Variants in ANKRD30A observed in about 807,000 individuals in gnomAD.
ANKRD30A encodes ankyrin repeat domain-containing protein 30A.
Under a neutral mutation model 166.3 loss-of-function variants are expected in ANKRD30A, and 170 were observed. The ratio of observed to expected loss-of-function variants is 1.02; its 90% CI spans 0.90 to 1.16. ANKRD30A has a LOEUF of 1.16. ANKRD30A is among the 50% of genes most tolerant of loss of function. ANKRD30A has a pLI of 0.00. For synonymous variants in ANKRD30A, 564 were observed against 508.9 expected, an observed-to-expected ratio of 1.11 and a Z score of -1.46; for missense variants, 1,630 against 1,518.0, an observed-to-expected ratio of 1.07 and a Z score of -1.23.
At chr10:37,166,421 A>G (rs1283718966) in intron 18 of ANKRD30A, among the ~76,000 whole-genome samples, 184 bp from the exon 19 acceptor site, 18 of 152,104 alleles carry the variant, frequency 1.2e-4, no homozygotes, top group Non-Finnish European at 2.1e-4. Flanking sequence ...AGCTTGATGT[A>G]GAGAGGGTTA....
intron 24 of ANKRD30A, among the ~76,000 whole-genome samples, chr10:37,183,390 A>T (rs1478487327): frequency 2.1e-5 from 3 of 145,886 alleles, no homozygotes; most frequent in Non-Finnish European, 4.6e-5. Context: ...TCAGATCAGA[A>T]GCTAGAACAA....
intron 34 of ANKRD30A, among the ~76,000 whole-genome samples, chr10:37,222,123 C>T (rs1451249071): frequency 2.6e-5 from 4 of 151,282 alleles, no homozygotes; most frequent in African/African-American, 9.7e-5. Flanking sequence ...ATATAGTTCA[C>T]ACATTTAAAT....
the ANKRD30A span, among the ~76,000 whole-genome samples, chr10:37,252,701 C>G: frequency 6.6e-6 from 1 of 150,602 alleles, no homozygotes; most frequent in African/African-American, 2.4e-5. Context: ...TTTTTACTAA[C>G]TGTGTGACCT....
chr10:37,210,881 G>T (rs541827623), intron 31 of ANKRD30A, among the ~76,000 whole-genome samples: 25 of 152,114 alleles, frequency 1.6e-4, no homozygotes, highest in African/African-American at 6.0e-4. Context: ...GTGTCAGATG[G>T]ATAGATTGCA....
chr10:37,232,003 G>C (rs972457213), intron 35 of ANKRD30A, among the ~76,000 whole-genome samples: 6 of 151,836 alleles, frequency 4.0e-5, no homozygotes, highest in Non-Finnish European at 8.8e-5. Flanking sequence ...GAGATGTTTT[G>C]GCTTATTTTC....
At chr10:37,191,401 C>G (rs1231041583) in intron 25 of ANKRD30A, among the ~76,000 whole-genome samples, 1 of 151,958 alleles carries the variant, frequency 6.6e-6, no homozygotes, top group African/African-American at 2.4e-5. Flanking sequence ...TGTGTGGCTT[C>G]TCAATGACAG....
chr10:37,226,520 G>A (rs1318010361), intron 34 of ANKRD30A, among the ~76,000 whole-genome samples: 1 of 151,690 alleles, frequency 6.6e-6, no homozygotes, highest in Non-Finnish European at 1.5e-5. Context: ...GCAAGTATCA[G>A]CACTTAATTT....
rs1345267254 is a variant in ANKRD30A at position 37,193,089 on chromosome 10, G to A, written c.2538G>A (p.Leu846=). ...AGTCTCCTGATAATGATGGTTTTCT[G>A]AAGGTAATAACTTTTATATTTTTAT... ...LEESPDNDGF[L]KAPCRMKVSI... is the part of the protein sequence containing the mutation. Residue 846 remains leucine (L), a synonymous_variant, in exon 26 of 36, where the codon CTG becomes CTA. Coordinates refer to ENST00000361713, the MANE Select transcript of ANKRD30A (RefSeq NM_052997.3). 24 of 1,607,102 alleles carry A rather than the reference G, an allele frequency of 1.5e-5. No individual in the cohort carries two copies. Among genetic ancestry groups the A allele is most frequent in the African/African-American group, 1.2e-4 (9 of 74,538 alleles).
At chr10:37,220,697 C>A (rs891140882) in intron 34 of ANKRD30A, among the ~76,000 whole-genome samples, 1 of 151,044 alleles carries the variant, frequency 6.6e-6, no homozygotes, top group Non-Finnish European at 1.5e-5. Flanking sequence ...CAAAGATTAT[C>A]ATGTCCCAGA....
At chr10:37,192,861 A>G (rs1413081158) in intron 25 of ANKRD30A, among the ~76,000 whole-genome samples, 2 of 152,028 alleles carry the variant, frequency 1.3e-5, no homozygotes, top group South Asian at 2.1e-4. Context: ...GTTTGATGAA[A>G]TCTAGTTTTC....
chr10:37,153,729 T>A, intron 13 of ANKRD30A, 67 bp downstream of exon 13: 1 of 1,590,070 alleles, frequency 6.3e-7, no homozygotes, highest in Non-Finnish European at 8.6e-7. Context: ...AGGAGGGATA[T>A]CCTCTAGTAG....
chr10:37,254,389 CT>C, the ANKRD30A span, among the ~76,000 whole-genome samples: 1 of 151,998 alleles, frequency 6.6e-6, no homozygotes, highest in Non-Finnish European at 1.5e-5. Flanking sequence ...ATTGTTTGTC[CT>C]TTTTTATTAT....
chr10:37,147,349 T>G (rs1399147501), intron 8 of ANKRD30A, 21 bp from the exon 9 acceptor site: 1 of 1,496,846 alleles, frequency 6.7e-7, no homozygotes, highest in Admixed American at 2.1e-5. Flanking sequence ...TGAAATTATC[T>G]ATTGATACTA....
At chr10:37,162,018 CT>C (rs1838931913) in intron 15 of ANKRD30A, among the ~76,000 whole-genome samples, 1 of 151,930 alleles carries the variant, frequency 6.6e-6, no homozygotes. Flanking sequence ...ATATTGAAAG[CT>C]TATTATAGAT....
At chr10:37,259,617 A>T in the ANKRD30A span, among the ~76,000 whole-genome samples, 1 of 152,364 alleles carries the variant, frequency 6.6e-6, no homozygotes, top group East Asian at 1.9e-4. Flanking sequence ...AGAATGGATG[A>T]CTAAATTGTA....
chr10:37,189,849 A>G (rs1840384225), intron 25 of ANKRD30A, among the ~76,000 whole-genome samples: 1 of 151,640 alleles, frequency 6.6e-6, no homozygotes, highest in Non-Finnish European at 1.5e-5. Context: ...AGACTGAGAA[A>G]GACAGAGCGT....
intron 34 of ANKRD30A, among the ~76,000 whole-genome samples, chr10:37,226,102 T>TA (rs1316155182): frequency 6.6e-6 from 1 of 150,844 alleles, no homozygotes; most frequent in African/African-American, 2.4e-5. Context: ...TTTCTTTTTA[T>TA]TTATATATAT....
chr10:37,158,494 T>C lies in ANKRD30A; in HGVS notation c.1828-20T>C, dbSNP rs1838562574. ...AAGTATACATTGTATATTAATTGTT[T>C]TGTTTCCAAACCCATTTAGGCTACC... On this transcript the variant is annotated intron_variant, in intron 14 of 35. Coordinates refer to ENST00000361713, the MANE Select transcript of ANKRD30A (RefSeq NM_052997.3). The C allele has an allele frequency of 6.2e-7, 1 of 1,613,520 alleles. No individual in the cohort carries two copies. The highest frequency in any genetic ancestry group is 1.3e-5 in the African/African-American group (1 of 75,032).
intron 31 of ANKRD30A, among the ~76,000 whole-genome samples, chr10:37,212,180 A>T (rs1842366915): frequency 6.6e-6 from 1 of 152,062 alleles, no homozygotes; most frequent in South Asian, 2.1e-4. Context: ...GTCTCAGGAT[A>T]CAAAATCAAT....
Sources: gnomAD v4.1 joint callset for allele counts (sites outside exome capture counted in the v4.1 genomes callset) on GRCh38, gnomAD v4.1.1 for gene constraint, MANE v1.5 for transcripts, NCBI Gene and HGNC (gene_info 2026-07-23, HGNC 2026-07-21) for gene names.